Variants in TDRD3 observed in about 807,000 individuals in gnomAD.
The protein encoded by TDRD3 is tudor domain-containing protein 3.
TDRD3 carries 45 observed loss-of-function variants against 86.7 expected under a neutral mutation model. The ratio of observed to expected loss-of-function variants is 0.52; its 90% CI spans 0.41 to 0.67. The LOEUF (loss-of-function observed/expected upper bound fraction) is 0.67, where lower values mean the gene tolerates loss of function less well. Ranked by LOEUF, TDRD3 falls within the 30% of genes least tolerant of loss-of-function variation. The pLI is 0.00. For synonymous variants in TDRD3, 298 were observed against 301.7 expected (o/e 0.99, Z 0.13); for missense variants, 814 against 889.0 (o/e 0.92, Z 1.07).
At chr13:60,421,770 C>T (rs1204212367) in intron 1 of TDRD3, among the ~76,000 whole-genome samples, 2 of 152,154 alleles carry the variant, frequency 1.3e-5, no homozygotes, top group African/African-American at 4.8e-5. Flanking sequence ...CTGTGCCAAT[C>T]TTGTCCCACT....
At chr13:60,497,951 T>G (rs1956752725) in intron 8 of TDRD3, among the ~76,000 whole-genome samples, 1 of 151,966 alleles carries the variant, frequency 6.6e-6, no homozygotes, top group Non-Finnish European at 1.5e-5. Flanking sequence ...GCCTGCTAAG[T>G]AGGCCTGAAT....
intron 1 of TDRD3, among the ~76,000 whole-genome samples, chr13:60,439,108 G>A (rs957505318): frequency 2.0e-5 from 3 of 151,772 alleles, no homozygotes; most frequent in Non-Finnish European, 2.9e-5. Flanking sequence ...AAGACAATGC[G>A]TAAAAAAAAC....
At chr13:60,483,447 A>G (rs550624465) in intron 5 of TDRD3, among the ~76,000 whole-genome samples, 2 of 152,226 alleles carry the variant, frequency 1.3e-5, no homozygotes, top group East Asian at 3.9e-4. Context: ...TTATGCTTTA[A>G]AATGGAATTC....
At chr13:60,452,172 A>G (rs1163004824) in intron 3 of TDRD3, among the ~76,000 whole-genome samples, 2 of 152,256 alleles carry the variant, frequency 1.3e-5, no homozygotes, top group Middle Eastern at 3.4e-3. Flanking sequence ...AACCCTGGGT[A>G]TATCTCTTCC....
intron 1 of TDRD3, among the ~76,000 whole-genome samples, chr13:60,404,096 T>C (rs1236118668): frequency 6.6e-6 from 1 of 152,216 alleles, no homozygotes; most frequent in Non-Finnish European, 1.5e-5. Flanking sequence ...GTTGGAAGCC[T>C]TTCCAGTACT....
chr13:60,525,912 C>T (rs186550973), intron 10 of TDRD3, among the ~76,000 whole-genome samples: 114 of 152,238 alleles, frequency 7.5e-4, no homozygotes, highest in Middle Eastern at 3.4e-3. Flanking sequence ...TATAGTTCTC[C>T]AGTATAGTTC....
chr13:60,445,759 G>A (rs1254729864), intron 3 of TDRD3, among the ~76,000 whole-genome samples: 1 of 152,074 alleles, frequency 6.6e-6, no homozygotes, highest in Non-Finnish European at 1.5e-5. Context: ...AATCTCTATA[G>A]GAAAAGTAAA....
chr13:60,486,366 G>C (rs773956682), intron 7 of TDRD3, among the ~76,000 whole-genome samples: 5 of 151,952 alleles, frequency 3.3e-5, no homozygotes, highest in Non-Finnish European at 7.4e-5. Flanking sequence ...AAAAATCAGC[G>C]GATCTGTCAC....
rs529387873 is a variant in TDRD3 at position 60,397,289 on chromosome 13, G to T, written c.-76G>T. On this transcript the variant is annotated 5_prime_UTR_variant, in exon 1 of 14. Coordinates refer to ENST00000377881, the MANE Select transcript of TDRD3 (RefSeq NM_001146070.2). ...TTTCTTTTCTTTTTTTTTTTTTAAGGGGGGGGGTCTCAAGTAGGAGGCCTC... is the reference window on the plus strand; with the variant it reads ...TTTCTTTTCTTTTTTTTTTTTTAAGTGGGGGGGTCTCAAGTAGGAGGCCTC... 32 of 770,792 alleles carry T rather than the reference G, an allele frequency of 4.2e-5. No individual in the cohort carries two copies. Among genetic ancestry groups the T allele is most frequent in the South Asian group, 1.2e-4 (5 of 42,730 alleles). The allele number at this position is 770,792 out of a possible 1,614,324, so 47.7% of individuals were successfully genotyped here.
chr13:60,498,784 A>G (rs1956770827), intron 8 of TDRD3, among the ~76,000 whole-genome samples: 1 of 152,078 alleles, frequency 6.6e-6, no homozygotes, highest in African/African-American at 2.4e-5. Flanking sequence ...GGAAAGAGAA[A>G]TGATCAAACG....
chr13:60,560,512 C>T (rs931561409), intron 12 of TDRD3, among the ~76,000 whole-genome samples: 1 of 152,056 alleles, frequency 6.6e-6, no homozygotes, highest in Non-Finnish European at 1.5e-5. Flanking sequence ...AAGTGCTTAA[C>T]CTGCCAAAAA....
chr13:60,396,415 G>C (rs1314922954), upstream of TDRD3: 2 of 152,254 alleles, frequency 1.3e-5, no homozygotes, highest in African/African-American at 2.4e-5. Flanking sequence ...GGTAGCGTCC[G>C]CCGTGCCGCT....
chr13:60,466,186 G>A (rs1011168144), intron 4 of TDRD3, among the ~76,000 whole-genome samples: 5 of 151,814 alleles, frequency 3.3e-5, no homozygotes, highest in Non-Finnish European at 7.4e-5. Context: ...CAAAAAAAGA[G>A]CATTATTTTG....
chr13:60,499,170 C>CAT (rs1956779773), intron 8 of TDRD3, among the ~76,000 whole-genome samples: 1 of 152,202 alleles, frequency 6.6e-6, no homozygotes, highest in African/African-American at 2.4e-5. Context: ...TTAGTGCCAC[C>CAT]ATCAAGGACC....
chr13:60,432,791 C>T (rs976003958), intron 1 of TDRD3, among the ~76,000 whole-genome samples: 1 of 151,956 alleles, frequency 6.6e-6, no homozygotes, highest in Admixed American at 6.6e-5. Flanking sequence ...CTTGTCCCAC[C>T]TTAGCTTGGG....
intron 7 of TDRD3, among the ~76,000 whole-genome samples, chr13:60,493,739 T>C (rs9528151): frequency 0.14 from 20,902 of 152,232 alleles, 1,510 homozygotes; most frequent in East Asian, 0.2. Context: ...GGCGATGCTT[T>C]TCAGTTATGA....
At chr13:60,462,660 C>G (rs1160840581) in intron 4 of TDRD3, among the ~76,000 whole-genome samples, 2 of 151,894 alleles carry the variant, frequency 1.3e-5, no homozygotes, top group African/African-American at 4.8e-5. Context: ...CTGCCCTGCC[C>G]CTTGCTAGTT....
Position 60,570,671 on chromosome 13 carries a change from A to G in TDRD3, c.*10-2945A>G, listed in dbSNP as rs114684172. 7.3e-3 allele frequency among the ~76,000 whole-genome samples: 1,107 copies of G among 152,302 alleles called. 14 individuals carry two copies. Among genetic ancestry groups the G allele is most frequent in the African/African-American group, 0.025 (1,047 of 41,562 alleles). On this transcript the variant is annotated intron_variant, in intron 13 of 13. Transcript: ENST00000377881. ...ATGCCCTCATTGCTGGAAGGCAGCC[A>G]TTGTTTAATAGTGGACTCAATTTCT... is the stretch of plus-strand genomic sequence containing the variant.
At position 60,509,580 on chromosome 13, in the gene TDRD3, C is replaced by A. The variant is rs192227303; in HGVS notation, c.859-183C>A. ...GTCAGAGAATACTCAAGGCACAACC[C>A]CACATATCATACAGATTCTTCCTTG... On this transcript the variant is annotated intron_variant, in intron 8 of 13. Coordinates refer to ENST00000377881, the MANE Select transcript of TDRD3 (RefSeq NM_001146070.2). 3.7e-3 allele frequency: 2,598 copies of A among 705,480 alleles called. 15 individuals are homozygous for A. Among genetic ancestry groups the A allele is most frequent in the Non-Finnish European group, 5.2e-3 (2,203 of 420,210 alleles). 43.7% of individuals were successfully genotyped at this position (705,480 alleles called of 1,614,324 possible).
Sources: gnomAD v4.1 joint callset for allele counts (sites outside exome capture counted in the v4.1 genomes callset) on GRCh38, gnomAD v4.1.1 for gene constraint, MANE v1.5 for transcripts, NCBI Gene and HGNC (gene_info 2026-07-23, HGNC 2026-07-21) for gene names.